The following LMO2 variants were observed in gnomAD, a reference collection of about 807,000 sequenced individuals.
The protein encoded by LMO2 is rhombotin-2.
LMO2 carries 20 observed loss-of-function variants against 23.2 expected under a neutral mutation model. The observed-to-expected ratio is 0.86, with a 90% CI of 0.61 to 1.25. The LOEUF (loss-of-function observed/expected upper bound fraction) is 1.25. LMO2 is among the 50% of genes most tolerant of loss of function. The pLI, the probability that LMO2 is intolerant of heterozygous loss-of-function variation, is 0.00. For missense variants in LMO2, 270 were observed against 315.3 expected, an observed-to-expected ratio of 0.86 and a Z score of 1.09; for synonymous variants, 123 against 130.2, an observed-to-expected ratio of 0.94 and a Z score of 0.38.
intron 3 of LMO2, 59 bp from the exon 4 acceptor site, chr11:33,869,645 C>CG: frequency 8.0e-7 from 1 of 1,254,124 alleles, no homozygotes. Context: ...GCGGCCGAGG[C>CG]GGGGGCCGGG....
rs1856497105 is a variant in LMO2 at position 33,859,661 on chromosome 11, G to A, written c.465-86C>T. ...CTCGGGGATGAGCCCTAGAAAGGAG[G>A]CCGAACTTTCAGGATGTCAGGAAGC... On this transcript the variant is annotated intron_variant, in intron 5 of 5. Coordinates refer to ENST00000257818, the MANE Select transcript of LMO2 (RefSeq NM_005574.4). 3 of 1,272,876 alleles carry A rather than the reference G, an allele frequency of 2.4e-6. No individual in the cohort carries two copies. The South Asian group carries it at 4.2e-5, about 18-fold the overall frequency. 78.8% of individuals were successfully genotyped at this position (1,272,876 alleles called of 1,614,324 possible).
At chr11:33,873,374 G>A (rs368606137) in intron 2 of LMO2, among the ~76,000 whole-genome samples, 1 of 152,152 alleles carries the variant, frequency 6.6e-6, no homozygotes, top group South Asian at 2.1e-4. Context: ...CACACACAGT[G>A]GTTGTAAGAA....
rs1196103848 is a variant in LMO2 at position 33,868,103 on chromosome 11, G to GT, written c.248+1242dup. On this transcript the variant is annotated intron_variant, in intron 4 of 5. Coordinates refer to ENST00000257818, the MANE Select transcript of LMO2 (RefSeq NM_005574.4). ...AAACCTAGCTCATTACAGAACTGGT[G>GT]TCTTAACCTTCAAGACTGAATAGTG... Among the ~76,000 whole-genome samples the GT allele has an allele frequency of 3.7e-4, 56 of 152,344 alleles. 1 individual carries two copies. The highest frequency in any genetic ancestry group is 3.6e-3 in the Admixed American group (55 of 15,306).
chr11:33,885,945 G>T (rs1857395878), intron 1 of LMO2, among the ~76,000 whole-genome samples: 1 of 151,904 alleles, frequency 6.6e-6, no homozygotes, highest in Non-Finnish European at 1.5e-5. Context: ...GCACAATCTT[G>T]GCTCATTGCA....
In LMO2 at chr11:33,869,821, G is replaced by T. The variant is rs1472460445; in HGVS notation, c.-105C>A. ...CCCGCCCGGCCGCCCGGAGCCCCTC[G>T]CACCTTCGGCCCGGGTCGCGGCGCG... is the stretch of plus-strand genomic sequence containing the variant. On this transcript the variant is annotated 5_prime_UTR_variant, in exon 3 of 6. Transcript: ENST00000257818. 3.7e-6 allele frequency: 4 copies of T among 1,084,926 alleles called. No individual in the cohort carries two copies. Among genetic ancestry groups the T allele is most frequent in the Non-Finnish European group, 4.5e-6 (4 of 895,608 alleles). 67.2% of individuals were successfully genotyped at this position (1,084,926 alleles called of 1,614,324 possible).
chr11:33,871,040 T>C (rs1857007059), intron 2 of LMO2: 1 of 982,926 alleles, frequency 1.0e-6, no homozygotes, highest in African/African-American at 1.7e-5. Flanking sequence ...AGAGGGAACG[T>C]ACTTTCAGGA....
intron 2 of LMO2, chr11:33,870,933 A>G (rs1857003675): frequency 2.4e-6 from 1 of 414,714 alleles, no homozygotes; most frequent in African/African-American, 2.2e-5. Context: ...GTGGAGAAAA[A>G]CTTAGGCTCT....
intron 5 of LMO2, among the ~76,000 whole-genome samples, chr11:33,862,807 T>C (rs1856632923): frequency 6.6e-6 from 1 of 152,176 alleles, no homozygotes; most frequent in Non-Finnish European, 1.5e-5. Context: ...TTAATAACAA[T>C]AATATAAATA....
At position 33,869,327 on chromosome 11, in the gene LMO2, G is replaced by A. The variant is rs919293675; in HGVS notation, c.248+19C>T. 34 of 1,179,982 alleles carry A rather than the reference G, an allele frequency of 2.9e-5. No homozygotes were observed. In the African/African-American group the frequency reaches 5.2e-4, roughly 18 times the overall value. The allele number at this position is 1,179,982 out of a possible 1,614,324, so 73.1% of individuals were successfully genotyped here. On this transcript the variant is annotated intron_variant, in intron 4 of 5. Transcript: ENST00000257818. ...GCCGTGGACACCGGGGGTGGCAGGGGCAGGGGGGCCGCACTTACTCTGAAG... is the reference window on the plus strand; with the variant it reads ...GCCGTGGACACCGGGGGTGGCAGGGACAGGGGGGCCGCACTTACTCTGAAG...
chr11:33,867,450 T>G (rs1352621406), intron 4 of LMO2, among the ~76,000 whole-genome samples: 1 of 152,250 alleles, frequency 6.6e-6, no homozygotes, highest in African/African-American at 2.4e-5. Flanking sequence ...CACATTATAC[T>G]TAGTGGACAA....
intron 5 of LMO2, among the ~76,000 whole-genome samples, chr11:33,862,578 G>A (rs1856623081): frequency 6.9e-6 from 1 of 144,350 alleles, no homozygotes; most frequent in Non-Finnish European, 1.5e-5. Flanking sequence ...CTCAGCCATT[G>A]GAAATCCTCA....
At position 33,864,823 on chromosome 11, in the gene LMO2, G is replaced by T. The variant is rs1856721582; in HGVS notation, c.249-6C>A. 6.2e-7 allele frequency: 1 copy of T among 1,612,712 alleles called. No individual in the cohort carries two copies. Among genetic ancestry groups the T allele is most frequent in the Non-Finnish European group, 8.5e-7 (1 of 1,179,780 alleles). ...GCACCTCATCCACTGGTTCCCTGGA[G>T]AGAAGGCCAAGCATCAGGGACAGCC... On this transcript the variant is annotated splice_region_variant and splice_polypyrimidine_tract_variant and intron_variant, in intron 4 of 5. Coordinates refer to ENST00000257818, the MANE Select transcript of LMO2 (RefSeq NM_005574.4). This position sits in a 1 kb window ranked among gnomAD's most constrained non-coding sequence, Gnocchi z 4.8.
At position 33,863,574 on chromosome 11, in the gene LMO2, C is replaced by T. The variant is rs372699169; in HGVS notation, c.464+1028G>A. Among the ~76,000 whole-genome samples the T allele has an allele frequency of 3.5e-4, 53 of 152,284 alleles. No individual in the cohort carries two copies. In the East Asian group the frequency reaches 8.7e-3, roughly 25 times the overall value. ...TCACAGACCCTCTGCTCCAGGAAAA[C>T]GGAGAAATACTGACAGCTACACAGT... On this transcript the variant is annotated intron_variant, in intron 5 of 5. Coordinates refer to ENST00000257818, the MANE Select transcript of LMO2 (RefSeq NM_005574.4).
chr11:33,869,635 G>A, intron 3 of LMO2, 49 bp from the exon 4 acceptor site: 1 of 1,256,510 alleles, frequency 8.0e-7, no homozygotes, highest in Non-Finnish European at 1.0e-6. Context: ...CGGGCGCGCC[G>A]CGGCCGAGGC....
rs574060471 is a variant in LMO2, at chr11:33,858,845, A to C, written c.*511T>G. 21 of 229,858 alleles carry C rather than the reference A, an allele frequency of 9.1e-5. No homozygotes were observed. Among genetic ancestry groups the C allele is most frequent in the Non-Finnish European group, 1.6e-4 (19 of 116,134 alleles). The allele number at this position is 229,858 out of a possible 1,614,324, so 14.2% of individuals were successfully genotyped here. A position where few individuals can be genotyped will look rare whatever the true frequency, so the allele number is the denominator to read the frequency against. ...TCCATGCAGTTTTCCTTGGGTCCAA[A>C]GCTTAAGGCCTTGGGAAGGGGGCCA... is the stretch of plus-strand genomic sequence containing the variant. On this transcript the variant is annotated 3_prime_UTR_variant, in exon 6 of 6. Coordinates refer to ENST00000257818, the MANE Select transcript of LMO2 (RefSeq NM_005574.4).
rs745337652 is a variant in LMO2 at position 33,859,239 on chromosome 11, C to G, written c.*117G>C. Reference sequence around the variant, plus strand: ...ATACCCAATAAAGGTCTACCATCCCCTAAGAAATCCCTTACCCCACCCTCA... The same window carrying G: ...ATACCCAATAAAGGTCTACCATCCCGTAAGAAATCCCTTACCCCACCCTCA... On this transcript the variant is annotated 3_prime_UTR_variant, in exon 6 of 6. Coordinates refer to ENST00000257818, the MANE Select transcript of LMO2 (RefSeq NM_005574.4). The G allele has an allele frequency of 4.0e-5, 28 of 699,978 alleles. No homozygotes were observed. The highest frequency in any genetic ancestry group is 5.4e-5 in the South Asian group (3 of 55,278). 43.4% of individuals were successfully genotyped at this position (699,978 alleles called of 1,614,324 possible). A position where few individuals can be genotyped will look rare whatever the true frequency, so the allele number is the denominator to read the frequency against.
chr11:33,886,777 A>G (rs1372918022), intron 1 of LMO2, among the ~76,000 whole-genome samples: 2 of 152,192 alleles, frequency 1.3e-5, no homozygotes, highest in East Asian at 3.8e-4. Context: ...TCTTGCTCCA[A>G]GATCCACATG....
chr11:33,878,562 T>A (rs1857191601), intron 2 of LMO2, among the ~76,000 whole-genome samples: 1 of 152,208 alleles, frequency 6.6e-6, no homozygotes, highest in South Asian at 2.1e-4. Flanking sequence ...CAGAGCACAG[T>A]GCTTGGAACA....
In LMO2 at chr11:33,859,578, G is replaced by A; in HGVS notation, c.465-3C>T. ...AGAGACCGTCTTGCCCAAAAAGCCT[G>A]GGGCAAAAGAAAGAAAAGCTAAGAA... On this transcript the variant is annotated splice_polypyrimidine_tract_variant and splice_region_variant and intron_variant, in intron 5 of 5. Transcript: ENST00000257818. The A allele has an allele frequency of 1.2e-6, 2 of 1,613,474 alleles. No homozygotes were observed. The highest frequency in any genetic ancestry group is 1.7e-6 in the Non-Finnish European group (2 of 1,179,728).
Sources: gnomAD v4.1 joint callset for allele counts (sites outside exome capture counted in the v4.1 genomes callset) on GRCh38, gnomAD v4.1.1 for gene constraint, Gnocchi (gnomAD v3.1) non-coding constraint, MANE v1.5 for transcripts, NCBI Gene and HGNC (gene_info 2026-07-23, HGNC 2026-07-21) for gene names.